RBMS3: variants seen among roughly 807,000 people sequenced by gnomAD.
RBMS3 encodes RNA binding motif single stranded interacting protein 3, also known as RNA-binding motif, single-stranded-interacting protein 3.
A neutral mutation model predicts 66.8 loss-of-function variants in RBMS3; 27 were observed. The observed-to-expected ratio is 0.40, with a 90% CI of 0.30 to 0.56. The LOEUF (loss-of-function observed/expected upper bound fraction) is 0.56. RBMS3 is among the 20% of genes least tolerant of loss of function. RBMS3 has a pLI of 0.40. For synonymous variants in RBMS3, 188 were observed against 183.0 expected (o/e 1.03, Z -0.22); for missense variants, 513 against 549.5 (o/e 0.93, Z 0.66).
chr3:29,989,122 C>A (rs1698645411), intron 13 of RBMS3, among the ~76,000 whole-genome samples: 1 of 152,176 alleles, frequency 6.6e-6, no homozygotes, highest in African/African-American at 2.4e-5. Flanking sequence ...CAGCTTCTTA[C>A]AGACAAGAAA....
At chr3:29,990,942 CCT>C in intron 13 of RBMS3, 138 bp from the exon 14 acceptor site, 1 of 717,814 alleles carries the variant, frequency 1.4e-6, no homozygotes, top group Non-Finnish European at 2.3e-6. Flanking sequence ...CTCTGGGTTT[CCT>C]CTGAGTACTT....
intron 1 of RBMS3, among the ~76,000 whole-genome samples, chr3:29,384,882 A>G (rs2038940462): frequency 6.6e-6 from 1 of 152,184 alleles, no homozygotes; most frequent in Non-Finnish European, 1.5e-5. Context: ...GTTCTGGTTA[A>G]ATGAAAAAGT....
chr3:29,502,902 TC>T (rs1296808266), intron 3 of RBMS3, among the ~76,000 whole-genome samples: 1 of 152,100 alleles, frequency 6.6e-6, no homozygotes, highest in South Asian at 2.1e-4. Context: ...GCCTATGTGG[TC>T]GTTTCAGAGC....
At chr3:29,299,386 G>A (rs2033515493) in intron 1 of RBMS3, among the ~76,000 whole-genome samples, 1 of 151,828 alleles carries the variant, frequency 6.6e-6, no homozygotes, top group African/African-American at 2.4e-5. Flanking sequence ...TTTTGGGGTA[G>A]GGAGTGGTTT....
At chr3:29,952,897 C>T (rs1695775967) in intron 12 of RBMS3, among the ~76,000 whole-genome samples, 1 of 151,720 alleles carries the variant, frequency 6.6e-6, no homozygotes, top group African/African-American at 2.4e-5. Context: ...CATAATTGAG[C>T]AGTTACATTA....
At chr3:29,701,628 T>C (rs57619559) in intron 4 of RBMS3, among the ~76,000 whole-genome samples, 18,885 of 151,776 alleles carry the variant, frequency 0.12, 2,503 homozygotes, top group African/African-American at 0.33. Flanking sequence ...CGGCCCTGTG[T>C]GAGTTCTGGG....
At chr3:29,457,391 A>G (rs796651396) in intron 2 of RBMS3, among the ~76,000 whole-genome samples, 2 of 152,114 alleles carry the variant, frequency 1.3e-5, no homozygotes, top group South Asian at 4.2e-4. Flanking sequence ...CATGTTGTCA[A>G]CCATATAATT....
chr3:29,507,417 T>G (rs2148948723), intron 3 of RBMS3, among the ~76,000 whole-genome samples: 1 of 152,166 alleles, frequency 6.6e-6, no homozygotes, highest in African/African-American at 2.4e-5. Context: ...AACTATAGAG[T>G]ATTTTATAAT....
At chr3:29,396,279 C>T (rs2039545302) in intron 1 of RBMS3, among the ~76,000 whole-genome samples, 1 of 152,000 alleles carries the variant, frequency 6.6e-6, no homozygotes, top group Non-Finnish European at 1.5e-5. Context: ...ATAAAACAAG[C>T]CTATATTTTT....
At chr3:29,775,332 T>A (rs937332073) in intron 6 of RBMS3, among the ~76,000 whole-genome samples, 1 of 151,800 alleles carries the variant, frequency 6.6e-6, no homozygotes, top group Non-Finnish European at 1.5e-5. Context: ...TTTATTTTTT[T>A]AAATGCAGAG....
chr3:29,530,475 A>G (rs944058108), intron 3 of RBMS3, among the ~76,000 whole-genome samples: 2 of 152,204 alleles, frequency 1.3e-5, no homozygotes, highest in Non-Finnish European at 2.9e-5. Context: ...AATAATTTCC[A>G]TAAAGTGAAA....
chr3:29,324,637 A>G (rs531332866), intron 1 of RBMS3, among the ~76,000 whole-genome samples: 1 of 146,344 alleles, frequency 6.8e-6, no homozygotes, highest in East Asian at 1.9e-4. Flanking sequence ...GAGCTCCAAG[A>G]TGTTTCCCCT....
chr3:29,316,148 G>A (rs2034662874), intron 1 of RBMS3, among the ~76,000 whole-genome samples: 1 of 151,648 alleles, frequency 6.6e-6, no homozygotes, highest in South Asian at 2.1e-4. Flanking sequence ...TAAACAACTG[G>A]TATGGCTGTC....
At chr3:29,436,015 G>A (rs2125727765) in intron 2 of RBMS3, among the ~76,000 whole-genome samples, 1 of 150,858 alleles carries the variant, frequency 6.6e-6, no homozygotes, top group South Asian at 2.1e-4. Flanking sequence ...GTATTTTTTG[G>A]TTAGTATCTG....
At chr3:29,525,715 C>G (rs2045067009) in intron 3 of RBMS3, among the ~76,000 whole-genome samples, 1 of 152,112 alleles carries the variant, frequency 6.6e-6, no homozygotes, top group Non-Finnish European at 1.5e-5. Flanking sequence ...ATCTTTGTTC[C>G]CTAAACACAG....
chr3:29,940,989 A>C (rs903576456), intron 11 of RBMS3, among the ~76,000 whole-genome samples: 8 of 151,864 alleles, frequency 5.3e-5, no homozygotes, highest in African/African-American at 1.7e-4. Context: ...GTTGCATGAC[A>C]ATCTTGTTTT....
intron 6 of RBMS3, among the ~76,000 whole-genome samples, chr3:29,806,592 A>G (rs2057555587): frequency 6.6e-6 from 1 of 151,924 alleles, no homozygotes; most frequent in African/African-American, 2.4e-5. Context: ...AGAGTCTACA[A>G]GTAAAATGTA....
At chr3:29,542,018 C>T (rs1296400059) in intron 3 of RBMS3, among the ~76,000 whole-genome samples, 7 of 152,136 alleles carry the variant, frequency 4.6e-5, no homozygotes, top group Non-Finnish European at 1.5e-5. Context: ...TGAAAATTAT[C>T]ACAAATATAT....
At chr3:29,748,488 TA>T (rs55974142) in intron 5 of RBMS3, among the ~76,000 whole-genome samples, 71,595 of 151,878 alleles carry the variant, frequency 0.47, 18,050 homozygotes, top group African/African-American at 0.65. Flanking sequence ...AAGCAGTTTT[TA>T]AGTTTTTGCT....
Sources: allele counts gnomAD v4.1 joint callset (sites outside exome capture counted in the v4.1 genomes callset), GRCh38; gene constraint gnomAD v4.1.1; transcripts MANE v1.5; gene names NCBI Gene and HGNC (gene_info 2026-07-23, HGNC 2026-07-21).